The following EIF2S2 variants were observed in gnomAD, a reference collection of about 807,000 sequenced individuals.
EIF2S2 encodes the protein eukaryotic translation initiation factor 2 subunit 2.
Under a neutral mutation model 44.0 loss-of-function variants are expected in EIF2S2, and 4 were observed. The observed-to-expected ratio is 0.09, with a 90% CI of 0.04 to 0.21. The LOEUF (loss-of-function observed/expected upper bound fraction) is 0.21, where lower values mean the gene tolerates loss of function less well. Among genes scored for constraint, EIF2S2 ranks in the 10% least tolerant of loss-of-function variants. The pLI is 1.00. For synonymous variants in EIF2S2, 108 were observed against 128.3 expected (o/e 0.84, Z 1.07); for missense variants, 154 against 392.0 (o/e 0.39, Z 5.13).
chr20:34,096,238 T>C (rs554358377), intron 6 of EIF2S2, among the ~76,000 whole-genome samples: 86 of 151,794 alleles, frequency 5.7e-4, no homozygotes, highest in African/African-American at 1.9e-3. Context: ...CACCTCTGAA[T>C]GCACTAATAA....
chr20:34,098,275 A>T lies in EIF2S2; in HGVS notation c.433+223T>A, dbSNP rs558942981. 2.6e-5 allele frequency among the ~76,000 whole-genome samples: 4 copies of T among 152,164 alleles called. No individual in the cohort carries two copies. In the East Asian group the frequency reaches 7.7e-4, roughly 29 times the overall value. On this transcript the variant is annotated intron_variant, in intron 4 of 8. Transcript: ENST00000374980. The stretch of plus-strand genomic sequence containing the variant: ...AAAAAAAAAAAAATCCGGTTATAGT[A>T]ATTTTCCCAAGCCTGAATCAGTATG...
At chr20:34,108,936 ATTT>A (rs374743966) in intron 1 of EIF2S2, among the ~76,000 whole-genome samples, 4 of 140,358 alleles carry the variant, frequency 2.8e-5, no homozygotes, top group Non-Finnish European at 3.1e-5. Context: ...GGATTGTGGG[ATTT>A]TTTTTTTTTT....
Position 34,105,432 on chromosome 20 carries a change from T to C in EIF2S2, c.129A>G (p.Glu43=), listed in dbSNP as rs749596163. ...TEETQPSETK[E]VEPEPTEDKD... is the part of the protein sequence containing the mutation. ...TGTCCTCAGTTGGCTCTGGCTCCACTTCTTTTGTTTCTGAAGGCTGGGTTT... is the reference window on the plus strand; with the variant it reads ...TGTCCTCAGTTGGCTCTGGCTCCACCTCTTTTGTTTCTGAAGGCTGGGTTT... The change falls in exon 2 of 9, where the codon GAA becomes GAG. Residue 43 remains glutamate (E), a synonymous_variant. Coordinates refer to ENST00000374980, the MANE Select transcript of EIF2S2 (RefSeq NM_003908.5). 7 of 1,614,134 alleles carry C rather than the reference T, an allele frequency of 4.3e-6. No homozygotes were observed. Among genetic ancestry groups the C allele is most frequent in the South Asian group, 2.2e-5 (2 of 91,078 alleles).
At chr20:34,093,779 CA>C (rs778970913) in intron 6 of EIF2S2, 48 bp from the exon 7 acceptor site, 256 of 1,488,490 alleles carry the variant, frequency 1.7e-4, no homozygotes, top group Non-Finnish European at 2.3e-4. Context: ...ATGGAAATCT[CA>C]CCAAACTTCT....
chr20:34,099,888 G>A (rs912609174), intron 3 of EIF2S2, among the ~76,000 whole-genome samples: 1 of 152,190 alleles, frequency 6.6e-6, no homozygotes, highest in Admixed American at 6.5e-5. Context: ...GAGGGCAGGC[G>A]TGGAGCTGCC....
chr20:34,106,997 T>C (rs1281298857), intron 1 of EIF2S2, among the ~76,000 whole-genome samples: 2 of 152,124 alleles, frequency 1.3e-5, no homozygotes, highest in Admixed American at 6.5e-5. Context: ...CTGGCTAACA[T>C]GGTAAAACCC....
At chr20:34,108,708 A>C (rs1458507469) in intron 1 of EIF2S2, among the ~76,000 whole-genome samples, 1 of 152,240 alleles carries the variant, frequency 6.6e-6, no homozygotes, top group Non-Finnish European at 1.5e-5. Flanking sequence ...GAGAGGGCAA[A>C]GAAAAGGTAT....
intron 7 of EIF2S2, among the ~76,000 whole-genome samples, chr20:34,090,900 C>T (rs1302921307): frequency 1.3e-5 from 2 of 152,086 alleles, no homozygotes; most frequent in African/African-American, 4.8e-5. Flanking sequence ...AGGCACTCCC[C>T]ACTGTGCCCT....
chr20:34,092,251 C>T (rs1285065493), intron 7 of EIF2S2, among the ~76,000 whole-genome samples: 1 of 152,194 alleles, frequency 6.6e-6, no homozygotes, highest in Non-Finnish European at 1.5e-5. Context: ...CTGGCCACAA[C>T]TTGTTATAAT....
At chr20:34,109,791 T>C (rs942872795) in intron 1 of EIF2S2, among the ~76,000 whole-genome samples, 1 of 149,984 alleles carries the variant, frequency 6.7e-6, no homozygotes, top group Non-Finnish European at 1.5e-5. Context: ...ATTTCAATTA[T>C]ACATCAAGAA....
chr20:34,106,230 A>G (rs1470135600), intron 1 of EIF2S2, among the ~76,000 whole-genome samples: 1 of 151,888 alleles, frequency 6.6e-6, no homozygotes, highest in African/African-American at 2.4e-5. Context: ...AGGGGTATCA[A>G]TGTTTTATTC....
At chr20:34,090,837 C>G (rs908051197) in intron 7 of EIF2S2, among the ~76,000 whole-genome samples, 3 of 152,110 alleles carry the variant, frequency 2.0e-5, no homozygotes, top group African/African-American at 7.2e-5. Context: ...CACCTTCAAT[C>G]TCCCAGGCTC....
intron 3 of EIF2S2, among the ~76,000 whole-genome samples, chr20:34,099,864 T>G (rs2034275598): frequency 6.6e-6 from 1 of 152,020 alleles, no homozygotes. Flanking sequence ...GGGTGGGAGC[T>G]GAGGGGTGGC....
rs986229889 is a variant in EIF2S2, at chr20:34,096,731, G to A, written c.609C>T (p.Val203=). 6 of 1,611,844 alleles carry A rather than the reference G, an allele frequency of 3.7e-6. No homozygotes were observed. The highest frequency in any genetic ancestry group is 1.7e-5 in the Admixed American group (1 of 59,774). ...DMVAGEKRKF[V]MKPPQVVRVG... ...CTCGGACGACTTGTGGAGGTTTCATGACAAATTTCCTTTTCTCCCCAGCAA... is the reference window on the plus strand; with the variant it reads ...CTCGGACGACTTGTGGAGGTTTCATAACAAATTTCCTTTTCTCCCCAGCAA... Residue 203 remains valine, a synonymous_variant, in exon 6 of 9, where the codon GTC becomes GTT. Transcript: ENST00000374980.
chr20:34,096,776 C>T lies in EIF2S2; in HGVS notation c.564G>A (p.Arg188=). 1 of 1,610,212 alleles carries T rather than the reference C, an allele frequency of 6.2e-7. No individual in the cohort carries two copies. The highest frequency in any genetic ancestry group is 8.5e-7 in the Non-Finnish European group (1 of 1,179,130). Residue 188 remains arginine (R), a synonymous_variant, in exon 6 of 9, where the codon AGG becomes AGA. Coordinates refer to ENST00000374980, the MANE Select transcript of EIF2S2 (RefSeq NM_003908.5). ...ELLNRVFNIM[R]EKNPDMVAGE... ...CAGCAACCATATCTGGATTCTTTTC[C>T]CTCATGATGTTGAACACTCGATTCA...
At chr20:34,094,449 AG>A (rs2034203905) in intron 6 of EIF2S2, among the ~76,000 whole-genome samples, 1 of 152,206 alleles carries the variant, frequency 6.6e-6, no homozygotes, top group Non-Finnish European at 1.5e-5. Context: ...AAAAATCTGA[AG>A]CAAATGTGTC....
At chr20:34,106,912 T>G (rs2034356122) in intron 1 of EIF2S2, among the ~76,000 whole-genome samples, 1 of 152,198 alleles carries the variant, frequency 6.6e-6, no homozygotes, top group Non-Finnish European at 1.5e-5. Flanking sequence ...CTGGGTGCGG[T>G]GGCTCACGCC....
chr20:34,105,408 G>C lies in EIF2S2; in HGVS notation c.153C>G (p.Asp51Glu). Residue 51 changes from aspartate to glutamate, a missense_variant, in exon 2 of 9, where the codon GAC becomes GAG. Asp to Glu is a conservative substitution (Grantham distance 45). This residue lies in a region of EIF2S2 where 134 missense variants were observed against 225.0 expected (regional missense o/e 0.60). Transcript: ENST00000374980. ...TKEVEPEPTEDKDLEADEEDT... is the reference protein window; with the variant it reads ...TKEVEPEPTEEKDLEADEEDT... ...CCTCTTCATCAGCTTCCAAATCCTT[G>C]TCCTCAGTTGGCTCTGGCTCCACTT... 2.5e-6 allele frequency: 4 copies of C among 1,613,850 alleles called. No individual in the cohort carries two copies. Among genetic ancestry groups the C allele is most frequent in the Non-Finnish European group, 3.4e-6 (4 of 1,179,870 alleles).
chr20:34,103,725 G>A (rs1185501650), intron 2 of EIF2S2, among the ~76,000 whole-genome samples, 160 bp from the exon 3 acceptor site: 1 of 133,284 alleles, frequency 7.5e-6, no homozygotes, highest in South Asian at 2.3e-4. Flanking sequence ...TTTTTTTTTT[G>A]AGATGGAGTC....
Sources: gnomAD v4.1 joint callset for allele counts (sites outside exome capture counted in the v4.1 genomes callset) on GRCh38, gnomAD v4.1.1 for gene constraint, gnomAD v4.1.1 regional missense constraint, MANE v1.5 for transcripts, NCBI Gene and HGNC (gene_info 2026-07-23, HGNC 2026-07-21) for gene names.